MYO7A: variants seen among roughly 807,000 people sequenced by gnomAD.
MYO7A encodes the protein myosin VIIA, also known as unconventional myosin-VIIa.
A neutral mutation model predicts 263.8 loss-of-function variants in MYO7A; 210 were observed. The ratio of observed to expected loss-of-function variants is 0.80; its 90% CI spans 0.71 to 0.89. The LOEUF is 0.89. Among genes scored for constraint, MYO7A ranks in the 40% least tolerant of loss-of-function variants. MYO7A has a pLI of 0.00. For missense variants in MYO7A, 2,820 were observed against 2,968.3 expected (o/e 0.95, Z 1.16); for synonymous variants, 1,239 against 1,197.3 (o/e 1.03, Z -0.72).
intron 3 of MYO7A, among the ~76,000 whole-genome samples, chr11:77,146,095 T>A (rs1222832949): frequency 2.0e-5 from 3 of 152,116 alleles, no homozygotes; most frequent in African/African-American, 7.2e-5. Context: ...TGGCCAGCAC[T>A]GTCAGGGGAG....
intron 2 of MYO7A, among the ~76,000 whole-genome samples, chr11:77,135,781 T>A (rs746207064): frequency 3.7e-4 from 57 of 152,184 alleles, no homozygotes; most frequent in Non-Finnish European, 6.6e-4. Context: ...GCCATCCTAA[T>A]GGGTGTGCAG....
Position 77,204,208 on chromosome 11 carries a change from A to C in MYO7A, c.5459A>C (p.Gln1820Pro). ...KDEAYVQILK[Q>P]LTDNHIRYSE... ...GAGGCATATGTGCAGATCCTGAAGCAGCTGACCGACAACCACATCAGGTGA... is the reference window on the plus strand; with the variant it reads ...GAGGCATATGTGCAGATCCTGAAGCCGCTGACCGACAACCACATCAGGTGA... Residue 1820 changes from glutamine to proline, a missense_variant, in exon 39 of 49, where the codon CAG becomes CCG. Coordinates refer to ENST00000409709, the MANE Select transcript of MYO7A (RefSeq NM_000260.4). 1 of 1,578,372 alleles carries C rather than the reference A, an allele frequency of 6.3e-7. No individual in the cohort carries two copies. The highest frequency in any genetic ancestry group is 8.6e-7 in the Non-Finnish European group (1 of 1,162,404).
chr11:77,180,596 G>GGAA, intron 22 of MYO7A, 115 bp downstream of exon 22: 1 of 895,504 alleles, frequency 1.1e-6, no homozygotes, highest in Non-Finnish European at 1.7e-6. Flanking sequence ...CCTTCAGAAT[G>GGAA]GCCACACTAG....
intron 9 of MYO7A, 81 bp from the exon 10 acceptor site, chr11:77,159,366 A>AG: frequency 7.5e-7 from 1 of 1,338,168 alleles, no homozygotes. Context: ...CAGGAGTGGC[A>AG]GCCTAGTCCT....
At chr11:77,169,873 C>G (rs960814013) in intron 15 of MYO7A, among the ~76,000 whole-genome samples, 2 of 152,040 alleles carry the variant, frequency 1.3e-5, no homozygotes, top group Admixed American at 6.6e-5. Flanking sequence ...CTCAGGAGTT[C>G]AAGACCAGCC....
chr11:77,190,035 A>G lies in MYO7A; in HGVS notation c.3646A>G (p.Ile1216Val). 6.4e-7 allele frequency: 1 copy of G among 1,556,390 alleles called. No homozygotes were observed. The highest frequency in any genetic ancestry group is 8.7e-7 in the Non-Finnish European group (1 of 1,150,558). The change falls in exon 29 of 49, where the codon ATC (isoleucine) becomes GTC (valine). Residue 1216 changes from isoleucine (I) to valine (V), a missense_variant. Coordinates refer to ENST00000409709, the MANE Select transcript of MYO7A (RefSeq NM_000260.4). ...EKFVKYLRNF[I>V]HGGPPGYAPY... is the part of the protein sequence containing the mutation. ...CTGGCTGCAGTACCTGCGGAACTTC[A>G]TCCACGGGGGCCCGCCCGGCTACGC...
At chr11:77,148,660 T>C (rs1951752017) in intron 4 of MYO7A, among the ~76,000 whole-genome samples, 1 of 152,206 alleles carries the variant, frequency 6.6e-6, no homozygotes, top group South Asian at 2.1e-4. Flanking sequence ...CAAAGGACTT[T>C]TGTGTACTGG....
At chr11:77,149,756 G>A (rs1448923252) in intron 4 of MYO7A, among the ~76,000 whole-genome samples, 1 of 152,156 alleles carries the variant, frequency 6.6e-6, no homozygotes, top group African/African-American at 2.4e-5. Context: ...CTTTCGCAGG[G>A]AGCCTTCTAG....
Position 77,194,535 on chromosome 11 carries a change from T to C in MYO7A, c.4323+11T>C. 6.3e-7 allele frequency: 1 copy of C among 1,584,690 alleles called. No homozygotes were observed. The highest frequency in any genetic ancestry group is 1.3e-5 in the African/African-American group (1 of 74,366). ...GCCGCCCACAAGAAGGTAGAAGGGCTGAGAGGAGTCCTAGAGAAGGGATGT... is the reference window on the plus strand; with the variant it reads ...GCCGCCCACAAGAAGGTAGAAGGGCCGAGAGGAGTCCTAGAGAAGGGATGT... On this transcript the variant is annotated intron_variant, in intron 32 of 48. Transcript: ENST00000409709.
chr11:77,171,433 C>A (rs567968726), intron 15 of MYO7A, among the ~76,000 whole-genome samples: 26 of 152,266 alleles, frequency 1.7e-4, no homozygotes, highest in South Asian at 4.2e-4. Flanking sequence ...TGCAAATACT[C>A]CCCAGCTTCT....
intron 27 of MYO7A, chr11:77,184,948 G>T (rs1955554145): frequency 3.9e-6 from 3 of 760,156 alleles, no homozygotes; most frequent in South Asian, 3.0e-5. Flanking sequence ...TGCAGGTTCA[G>T]TTGAAGGCCA....
In MYO7A at chr11:77,198,565, G is replaced by A. The variant is rs767236447; in HGVS notation, c.4512G>A (p.Gln1504=). The A allele has an allele frequency of 2.5e-6, 4 of 1,613,864 alleles. No individual in the cohort carries two copies. Among genetic ancestry groups the A allele is most frequent in the Non-Finnish European group, 3.4e-6 (4 of 1,179,916 alleles). ...NWTGVYFVDE[Q]EQVLLELSFP... Reference sequence around the variant, plus strand: ...CGGGTGTGTACTTTGTGGATGAGCAGGAGCAGGTACTTCTGGAGCTGTCCT... The same window carrying A: ...CGGGTGTGTACTTTGTGGATGAGCAAGAGCAGGTACTTCTGGAGCTGTCCT... The change falls in exon 34 of 49, where the codon CAG becomes CAA. Residue 1504 remains glutamine (Q), a synonymous_variant. Coordinates refer to ENST00000409709, the MANE Select transcript of MYO7A (RefSeq NM_000260.4).
chr11:77,192,713 G>C (rs1054441217), intron 31 of MYO7A, among the ~76,000 whole-genome samples: 1 of 152,180 alleles, frequency 6.6e-6, no homozygotes, highest in Non-Finnish European at 1.5e-5. Flanking sequence ...TTTCGATAAT[G>C]GTAATGGTAG....
intron 8 of MYO7A, 55 bp downstream of exon 8, chr11:77,157,447 A>T: frequency 1.6e-6 from 2 of 1,245,640 alleles, no homozygotes; most frequent in South Asian, 1.3e-5. Flanking sequence ...GATTGTAGGG[A>T]GCTGGCTACT....
chr11:77,142,673 C>A, intron 2 of MYO7A, 36 bp from the exon 3 acceptor site: 2 of 1,559,938 alleles, frequency 1.3e-6, no homozygotes, highest in South Asian at 1.2e-5. Context: ...ATCCCCCTCC[C>A]TGCTCACCTG....
At position 77,156,097 on chromosome 11, in the gene MYO7A, C is replaced by T. The variant is rs370905994; in HGVS notation, c.470+6C>T. The T allele has an allele frequency of 1.4e-5, 22 of 1,613,168 alleles. No homozygotes were observed. The highest frequency in any genetic ancestry group is 7.7e-5 in the South Asian group (7 of 90,938). On this transcript the variant is annotated splice_donor_region_variant and intron_variant, in intron 5 of 48. Transcript: ENST00000409709. ...GACCAGTGCTGCATCATCAGGTGGG[C>T]GGCCCAGCACCTGTGTGGAGCTCCA...
intron 27 of MYO7A, among the ~76,000 whole-genome samples, chr11:77,187,909 C>T (rs983846380): frequency 3.9e-5 from 6 of 152,182 alleles, no homozygotes; most frequent in African/African-American, 1.4e-4. Context: ...ATCAGGCCCC[C>T]GTTTTTATCT....
At chr11:77,141,075 T>C (rs1308113680) in intron 2 of MYO7A, among the ~76,000 whole-genome samples, 1 of 152,224 alleles carries the variant, frequency 6.6e-6, no homozygotes, top group Non-Finnish European at 1.5e-5. Flanking sequence ...CAGTAGCAGG[T>C]TGTACAGGTT....
chr11:77,205,631 C>T lies in MYO7A; in HGVS notation c.5636+14C>T, dbSNP rs1957395647. 6.2e-7 allele frequency: 1 copy of T among 1,612,880 alleles called. No homozygotes were observed. Among genetic ancestry groups the T allele is most frequent in the African/African-American group, 1.3e-5 (1 of 75,032 alleles). Reference sequence around the variant, plus strand: ...GAAAGCCCTGAGGTACAGCGGCCACCAGGGGCAGGGACAGACACTGGGGCG... The same window carrying T: ...GAAAGCCCTGAGGTACAGCGGCCACTAGGGGCAGGGACAGACACTGGGGCG... On this transcript the variant is annotated intron_variant, in intron 40 of 48. Coordinates refer to ENST00000409709, the MANE Select transcript of MYO7A (RefSeq NM_000260.4).
Sources: allele counts gnomAD v4.1 joint callset (sites outside exome capture counted in the v4.1 genomes callset), GRCh38; gene constraint gnomAD v4.1.1; transcripts MANE v1.5; gene names NCBI Gene and HGNC (gene_info 2026-07-23, HGNC 2026-07-21).